Variants in ERBB4 observed in about 807,000 individuals in gnomAD.
ERBB4 encodes erb-b2 receptor tyrosine kinase 4, also known as receptor tyrosine-protein kinase erbB-4.
In ERBB4, 42 loss-of-function variants were observed where a neutral mutation model predicts 158.0. The ratio of observed to expected loss-of-function variants is 0.27; its 90% CI spans 0.21 to 0.34. ERBB4 has a LOEUF of 0.34. Among genes scored for constraint, ERBB4 ranks in the 10% least tolerant of loss-of-function variants. The probability of loss-of-function intolerance (pLI) is 1.00; values close to 1 mark genes in which losing one functional copy is unlikely to be tolerated. For synonymous variants in ERBB4, 583 were observed against 558.7 expected (o/e 1.04, Z -0.61); for missense variants, 1,333 against 1,624.1 (o/e 0.82, Z 3.08).
intron 1 of ERBB4, among the ~76,000 whole-genome samples, chr2:212,357,770 A>G (rs920357009): frequency 6.6e-6 from 1 of 151,844 alleles, no homozygotes; most frequent in African/African-American, 2.4e-5. Context: ...GTTCAGCCCC[A>G]CGGTCACTTG....
rs569389251 is a variant in ERBB4, at chr2:211,690,630, G to C, written c.1489+11337C>G. 5.2e-4 allele frequency among the ~76,000 whole-genome samples: 79 copies of C among 152,130 alleles called. 1 individual carries two copies. The highest frequency in any genetic ancestry group is 7.2e-4 in the Non-Finnish European group (49 of 68,022). On this transcript the variant is annotated intron_variant, in intron 12 of 27. Transcript: ENST00000342788. ...GAAGATTGGTTGATCATTTTCTCTA[G>C]AGTGAAACCAAAGGAAGTATCTCCA...
intron 1 of ERBB4, among the ~76,000 whole-genome samples, chr2:212,380,065 GT>G (rs1450752093): frequency 6.6e-6 from 1 of 151,108 alleles, no homozygotes; most frequent in African/African-American, 2.4e-5. Flanking sequence ...ATCTAATAAG[GT>G]TTTTTAAATT....
chr2:212,349,956 T>TG lies in ERBB4; in HGVS notation c.82+188492dup, dbSNP rs1250710236. Among the ~76,000 whole-genome samples the TG allele has an allele frequency of 3.3e-5, 5 of 152,192 alleles. No individual in the cohort carries two copies. The East Asian group carries it at 9.7e-4, about 29-fold the overall frequency. On this transcript the variant is annotated intron_variant, in intron 1 of 27. Transcript: ENST00000342788. ...CACAGGCTTCCTGAAGATTTGTCCT[T>TG]GAAAAAAACAACTTGATGAAAAAAT...
At chr2:211,736,513 A>C (rs1227164484) in intron 5 of ERBB4, among the ~76,000 whole-genome samples, 2 of 152,202 alleles carry the variant, frequency 1.3e-5, no homozygotes, top group East Asian at 3.9e-4. Flanking sequence ...AACAAAGGTC[A>C]AATTAAGAAA....
At position 211,952,925 on chromosome 2, in the gene ERBB4, C is replaced by G. The variant is rs1473588453; in HGVS notation, c.235-5309G>C. 2.6e-5 allele frequency among the ~76,000 whole-genome samples: 4 copies of G among 151,754 alleles called. No individual in the cohort carries two copies. In the East Asian group the frequency reaches 5.8e-4, roughly 22 times the overall value. ...TTACATAAGAACTGTTGCTTTTAAT[C>G]TCTCTGTTATGTAACCTTTGGTACA... is the stretch of plus-strand genomic sequence containing the variant. On this transcript the variant is annotated intron_variant, in intron 2 of 27. Coordinates refer to ENST00000342788, the MANE Select transcript of ERBB4 (RefSeq NM_005235.3).
In ERBB4 at chr2:211,672,597, T is replaced by G. The variant is rs78845265; in HGVS notation, c.1716+567A>C. 1.8e-3 allele frequency among the ~76,000 whole-genome samples: 279 copies of G among 152,324 alleles called. 3 individuals carry two copies. Among genetic ancestry groups the G allele is most frequent in the African/African-American group, 6.4e-3 (266 of 41,574 alleles). Reference sequence around the variant, plus strand: ...TTTTAGTTTATGAGTACTTGTCTCCTTCTTTCCACTGTCTTTCACAGTGCC... The same window carrying G: ...TTTTAGTTTATGAGTACTTGTCTCCGTCTTTCCACTGTCTTTCACAGTGCC... On this transcript the variant is annotated intron_variant, in intron 14 of 27. Coordinates refer to ENST00000342788, the MANE Select transcript of ERBB4 (RefSeq NM_005235.3).
intron 2 of ERBB4, among the ~76,000 whole-genome samples, chr2:212,076,069 A>T (rs1381572592): frequency 6.6e-6 from 1 of 151,924 alleles, no homozygotes; most frequent in East Asian, 1.9e-4. Flanking sequence ...TAAGAAGCAG[A>T]CACCAAAAGA....
At chr2:212,454,972 G>A (rs894214753) in intron 1 of ERBB4, among the ~76,000 whole-genome samples, 7 of 151,980 alleles carry the variant, frequency 4.6e-5, no homozygotes, top group African/African-American at 1.5e-4. Context: ...TTATAAAACA[G>A]AATGCAAAGT....
intron 1 of ERBB4, among the ~76,000 whole-genome samples, chr2:212,332,335 T>C (rs1398848571): frequency 2.0e-5 from 3 of 152,064 alleles, no homozygotes; most frequent in African/African-American, 4.8e-5. Context: ...TCCCTAGCCA[T>C]GTGGAACTGT....
chr2:211,420,365 A>ATGTT (rs1298063952), intron 25 of ERBB4, 76 bp downstream of exon 25: 6 of 1,025,132 alleles, frequency 5.9e-6, no homozygotes, highest in Non-Finnish European at 9.0e-6. Context: ...TTATTTTGAA[A>ATGTT]TGTTAGTGCT....
intron 20 of ERBB4, among the ~76,000 whole-genome samples, chr2:211,501,039 A>G (rs1235903314): frequency 6.6e-6 from 1 of 152,018 alleles, no homozygotes; most frequent in Non-Finnish European, 1.5e-5. Context: ...ATTATGTGCA[A>G]TTCCATTAAG....
intron 3 of ERBB4, among the ~76,000 whole-genome samples, chr2:211,856,691 C>A (rs184404986): frequency 6.6e-6 from 1 of 152,028 alleles, no homozygotes; most frequent in Non-Finnish European, 1.5e-5. Flanking sequence ...CCAGCCTAGT[C>A]TTGTAATTTC....
chr2:211,753,751 A>AATAT (rs147569138), intron 4 of ERBB4, among the ~76,000 whole-genome samples: 27 of 147,816 alleles, frequency 1.8e-4, no homozygotes, highest in African/African-American at 6.7e-4. Context: ...ATATATATTT[A>AATAT]ATATATATAT....
At chr2:212,114,111 A>G (rs1447154319) in intron 2 of ERBB4, among the ~76,000 whole-genome samples, 1 of 152,230 alleles carries the variant, frequency 6.6e-6, no homozygotes, top group East Asian at 1.9e-4. Context: ...TTTGTCTGGT[A>G]CTTGTTATTT....
chr2:211,654,482 C>A (rs2071133788), intron 16 of ERBB4, among the ~76,000 whole-genome samples: 2 of 152,100 alleles, frequency 1.3e-5, no homozygotes, highest in Non-Finnish European at 2.9e-5. Flanking sequence ...ATGCTTAAAA[C>A]CTGAGTAATT....
intron 12 of ERBB4, among the ~76,000 whole-genome samples, chr2:211,681,112 A>AT (rs2072315455): frequency 1.3e-5 from 2 of 152,102 alleles, no homozygotes; most frequent in Admixed American, 6.5e-5. Flanking sequence ...TATACAGTAT[A>AT]TTTTCTGTTT....
chr2:211,713,315 G>A (rs1000446916), intron 8 of ERBB4, among the ~76,000 whole-genome samples: 16 of 151,908 alleles, frequency 1.1e-4, no homozygotes, highest in African/African-American at 3.1e-4. Context: ...TTACATGTGC[G>A]TTTTTTTCTG....
intron 3 of ERBB4, among the ~76,000 whole-genome samples, chr2:211,894,358 C>T (rs2079046433): frequency 6.9e-6 from 1 of 145,274 alleles, no homozygotes; most frequent in Non-Finnish European, 1.5e-5. Flanking sequence ...GGGAATTGAA[C>T]AATGAGATCA....
intron 1 of ERBB4, among the ~76,000 whole-genome samples, chr2:212,135,512 C>A (rs2080245576): frequency 6.6e-6 from 1 of 151,992 alleles, no homozygotes; most frequent in South Asian, 2.1e-4. Flanking sequence ...TATTGTTTCC[C>A]TGTCTTCAAA....
Sources: allele counts gnomAD v4.1 joint callset (sites outside exome capture counted in the v4.1 genomes callset), GRCh38; gene constraint gnomAD v4.1.1; transcripts MANE v1.5; gene names NCBI Gene and HGNC (gene_info 2026-07-23, HGNC 2026-07-21).